SULT2B1: variants seen among roughly 807,000 people sequenced by gnomAD.
SULT2B1 encodes the protein sulfotransferase 2B1.
A neutral mutation model predicts 33.2 loss-of-function variants in SULT2B1; 16 were observed. The observed-to-expected ratio is 0.48, with a 90% CI of 0.33 to 0.73. The LOEUF is 0.73. Ranked by LOEUF, SULT2B1 falls within the 30% of genes least tolerant of loss-of-function variation. SULT2B1 has a pLI of 0.02. For synonymous variants in SULT2B1, 186 were observed against 200.5 expected, an observed-to-expected ratio of 0.93 and a Z score of 0.61; for missense variants, 500 against 506.0, an observed-to-expected ratio of 0.99 and a Z score of 0.11.
intron 5 of SULT2B1, among the ~76,000 whole-genome samples, chr19:48,595,181 C>T (rs1973694050): frequency 2.0e-5 from 3 of 152,262 alleles, no homozygotes; most frequent in African/African-American, 7.2e-5. Context: ...ACTCGGGAAG[C>T]TGAGGCAGGA....
chr19:48,559,572 T>C lies in SULT2B1; in HGVS notation c.71+7249T>C, dbSNP rs146269487. The stretch of plus-strand genomic sequence containing the variant: ...TTTTGATAAAGACAGGGTTTCGCCA[T>C]GCTGGCCAGCTGAGTTCAGGACCCA... On this transcript the variant is annotated intron_variant, in intron 1 of 6. Coordinates refer to ENST00000201586, the MANE Select transcript of SULT2B1 (RefSeq NM_177973.2). 3.6e-3 allele frequency among the ~76,000 whole-genome samples: 550 copies of C among 152,260 alleles called. 4 individuals carry two copies. The highest frequency in any genetic ancestry group is 0.012 in the African/African-American group (507 of 41,556).
Position 48,552,420 on chromosome 19 carries a change from C to CTT in SULT2B1, c.71+97_71+98insTT. On this transcript the variant is annotated intron_variant, in intron 1 of 6. Transcript: ENST00000201586. The surrounding 1 kb of genome is among the most constrained non-coding windows in gnomAD (Gnocchi z 4.8). ...GTGGCAAGGGTGGCCTCCAGCCACCCGCAGCCGCAGGCCTGGCCCAGACTT... is the reference window on the plus strand; with the variant it reads ...GTGGCAAGGGTGGCCTCCAGCCACCCTTGCAGCCGCAGGCCTGGCCCAGACTT... The CTT allele has an allele frequency of 1.5e-6, 2 of 1,332,240 alleles. No individual in the cohort carries two copies. The highest frequency in any genetic ancestry group is 2.1e-6 in the Non-Finnish European group (2 of 962,494). 82.5% of individuals were successfully genotyped at this position (1,332,240 alleles called of 1,614,324 possible).
At chr19:48,586,723 TCA>T (rs1196381991) in intron 2 of SULT2B1, among the ~76,000 whole-genome samples, 1 of 152,244 alleles carries the variant, frequency 6.6e-6, no homozygotes, top group South Asian at 2.1e-4. Context: ...TCTGTAAGGC[TCA>T]GTTTCTGGCT....
At chr19:48,578,544 C>T (rs965455041) in intron 2 of SULT2B1, among the ~76,000 whole-genome samples, 2 of 151,598 alleles carry the variant, frequency 1.3e-5, no homozygotes. Flanking sequence ...TTCACCCCAC[C>T]GCACTCCAGC....
intron 2 of SULT2B1, among the ~76,000 whole-genome samples, chr19:48,578,645 G>A (rs959717779): frequency 6.6e-6 from 1 of 152,074 alleles, no homozygotes; most frequent in African/African-American, 2.4e-5. Context: ...GGGAGGCTGA[G>A]GCGGGTGGAT....
At chr19:48,573,263 C>G (rs1287128551) in intron 1 of SULT2B1, among the ~76,000 whole-genome samples, 1 of 152,014 alleles carries the variant, frequency 6.6e-6, no homozygotes, top group African/African-American at 2.4e-5. Context: ...CTGTGGCCAC[C>G]CACCCGGAGG....
chr19:48,584,710 G>C (rs1014453811), intron 2 of SULT2B1, among the ~76,000 whole-genome samples: 1 of 151,980 alleles, frequency 6.6e-6, no homozygotes, highest in East Asian at 1.9e-4. Context: ...CTCCAGACCA[G>C]CCTGGGCAAC....
chr19:48,584,638 C>T (rs187783443), intron 2 of SULT2B1, among the ~76,000 whole-genome samples: 353 of 152,354 alleles, frequency 2.3e-3, no homozygotes, highest in African/African-American at 6.9e-3. Flanking sequence ...GATGTGGTGG[C>T]TTACGCCTGT....
intron 1 of SULT2B1, among the ~76,000 whole-genome samples, chr19:48,557,399 G>A (rs1292647507): frequency 6.6e-6 from 1 of 151,774 alleles, no homozygotes; most frequent in Non-Finnish European, 1.5e-5. Context: ...AATTTGCCAG[G>A]CGTGGTGGCA....
chr19:48,557,945 T>TA (rs1191470153), intron 1 of SULT2B1, among the ~76,000 whole-genome samples: 7 of 151,448 alleles, frequency 4.6e-5, no homozygotes, highest in South Asian at 4.2e-4. Flanking sequence ...TTAAAAAAAT[T>TA]AAAAAAAATA....
chr19:48,562,373 C>A (rs1045710579), intron 1 of SULT2B1, among the ~76,000 whole-genome samples: 6 of 148,662 alleles, frequency 4.0e-5, no homozygotes, highest in African/African-American at 1.0e-4. Context: ...GCAACAAGAG[C>A]GAAACTCTGT....
chr19:48,566,267 G>T (rs953410162), intron 1 of SULT2B1, among the ~76,000 whole-genome samples: 1 of 151,950 alleles, frequency 6.6e-6, no homozygotes, highest in Admixed American at 6.6e-5. Context: ...TCACTATGTT[G>T]TCTAGGCTGG....
At chr19:48,554,565 C>T (rs1233749173) in intron 1 of SULT2B1, among the ~76,000 whole-genome samples, 1 of 150,364 alleles carries the variant, frequency 6.7e-6, no homozygotes, top group Non-Finnish European at 1.5e-5. Context: ...TCCTCCCCTC[C>T]TCCCAGCCAT....
chr19:48,583,205 G>A (rs1192466050), intron 2 of SULT2B1, among the ~76,000 whole-genome samples: 2 of 151,904 alleles, frequency 1.3e-5, no homozygotes, highest in African/African-American at 4.8e-5. Flanking sequence ...TGGCAAGGAT[G>A]TTGAGAAAAT....
At chr19:48,563,959 C>CAA (rs35211958) in intron 1 of SULT2B1, among the ~76,000 whole-genome samples, 2,748 of 117,280 alleles carry the variant, frequency 0.023, 101 homozygotes, top group African/African-American at 0.08. Flanking sequence ...GACTTCCTCT[C>CAA]AAAAAAAAAA....
chr19:48,577,378 T>C (rs1406987902), intron 2 of SULT2B1, among the ~76,000 whole-genome samples: 5 of 131,272 alleles, frequency 3.8e-5, no homozygotes, highest in African/African-American at 1.4e-4. Flanking sequence ...TTTTTTTTTT[T>C]TTTTAGAGAC....
intron 1 of SULT2B1, among the ~76,000 whole-genome samples, chr19:48,555,951 G>A (rs974721047): frequency 6.6e-6 from 1 of 152,090 alleles, no homozygotes; most frequent in African/African-American, 2.4e-5. Flanking sequence ...TGTTGGCCAG[G>A]CTGGTCTTGA....
intron 5 of SULT2B1, 31 bp downstream of exon 5, chr19:48,592,847 C>A (rs1406051815): frequency 6.6e-7 from 1 of 1,515,734 alleles, no homozygotes. Context: ...GGTGCAGCGT[C>A]CCCCCCATAC....
At position 48,599,385 on chromosome 19, in the gene SULT2B1, C is replaced by A. The variant is rs1973769905; in HGVS notation, c.1077C>A (p.Thr359=). The A allele has an allele frequency of 1.3e-6, 2 of 1,556,358 alleles. No homozygotes were observed. Among genetic ancestry groups the A allele is most frequent in the Non-Finnish European group, 8.7e-7 (1 of 1,150,242 alleles). Residue 359 remains threonine (T), a synonymous_variant, in exon 7 of 7, where the codon ACC becomes ACA. Coordinates refer to ENST00000201586, the MANE Select transcript of SULT2B1 (RefSeq NM_177973.2). This position sits in a 1 kb window ranked among gnomAD's most constrained non-coding sequence, Gnocchi z 4.1. ...CCAGCCCCGGCCAGGCCTCTGAGAC[C>A]CCGCACCCACGACCCTCATAATAAA... is the stretch of plus-strand genomic sequence containing the variant. ...PSPSPGQASE[T]PHPRPS
Sources: gnomAD v4.1 joint callset for allele counts (sites outside exome capture counted in the v4.1 genomes callset) on GRCh38, gnomAD v4.1.1 for gene constraint, Gnocchi (gnomAD v3.1) non-coding constraint, MANE v1.5 for transcripts, NCBI Gene and HGNC (gene_info 2026-07-23, HGNC 2026-07-21) for gene names.